MTAP: variants seen among roughly 807,000 people sequenced by gnomAD.
MTAP encodes S-methyl-5'-thioadenosine phosphorylase.
Under a neutral mutation model 33.6 loss-of-function variants are expected in MTAP, and 33 were observed. The observed-to-expected ratio is 0.98, with a 90% confidence interval of 0.74 to 1.31. The LOEUF is 1.31. MTAP is among the 40% of genes most tolerant of loss of function. The pLI is 0.00. For synonymous variants in MTAP, 148 were observed against 125.7 expected (o/e 1.18, Z -1.19); for missense variants, 367 against 360.0 (o/e 1.02, Z -0.16).
At chr9:21,826,617 T>C (rs955405750) in intron 4 of MTAP, among the ~76,000 whole-genome samples, 2 of 55,122 alleles carry the variant, frequency 3.6e-5, no homozygotes, top group Admixed American at 3.9e-4. Context: ...TGTTTATTAT[T>C]ATTATTATTA....
chr9:21,810,768 C>T lies in MTAP; in HGVS notation c.34-4665C>T, dbSNP rs1310171909. ...GAGGTACTGAGAGTTGGAACTTCAA[C>T]CTATGAACTTAGGGGAGATACAATT... is the stretch of plus-strand genomic sequence containing the variant. On this transcript the variant is annotated intron_variant, in intron 1 of 7. Transcript: ENST00000644715. Among the ~76,000 whole-genome samples the T allele has an allele frequency of 1.2e-4, 18 of 152,158 alleles. 1 individual carries two copies. Among genetic ancestry groups the T allele is most frequent in the Admixed American group, 1.2e-3 (18 of 15,278 alleles).
At chr9:21,818,014 A>C (rs778700497) in intron 3 of MTAP, 21 bp from the exon 4 acceptor site, 1 of 1,598,750 alleles carries the variant, frequency 6.3e-7, no homozygotes, top group Non-Finnish European at 8.5e-7. Flanking sequence ...CGGGTTAACA[A>C]TTTCTTCTCT....
intron 1 of MTAP, among the ~76,000 whole-genome samples, chr9:21,920,143 A>C (rs1463047960): frequency 1.3e-5 from 2 of 152,172 alleles, no homozygotes; most frequent in Admixed American, 6.5e-5. Flanking sequence ...TCAAGAGCGA[A>C]AATCATAGAG....
At chr9:21,931,326 G>T, downstream of MTAP, 1 of 571,868 alleles carries the variant, frequency 1.7e-6, no homozygotes, top group Non-Finnish European at 3.1e-6. Flanking sequence ...GAAAATGTTA[G>T]AGTAGGTAAT....
Position 21,922,597 on chromosome 9 carries a change from T to G in MTAP, c.148-8411T>G, listed in dbSNP as rs1818805104. ...CAGATTCACTGCTGCTAACATACTTTGATGCCACATGGCTTGGATACGTTC... is the reference window on the plus strand; with the variant it reads ...CAGATTCACTGCTGCTAACATACTTGGATGCCACATGGCTTGGATACGTTC... On this transcript the variant is annotated intron_variant, in intron 1 of 1. Coordinates refer to the MTAP transcript ENST00000577563. The surrounding 1 kb of genome is among the most constrained non-coding windows in gnomAD (Gnocchi z 4.8). Among the ~76,000 whole-genome samples, 1 of 152,214 alleles carries G rather than the reference T, an allele frequency of 6.6e-6. No individual in the cohort carries two copies. The highest frequency in any genetic ancestry group is 1.5e-5 in the Non-Finnish European group (1 of 68,030).
At chr9:21,809,117 C>G (rs1268080501) in intron 1 of MTAP, 1 of 152,294 alleles carries the variant, frequency 6.6e-6, no homozygotes, top group Non-Finnish European at 1.5e-5. Context: ...CTTTTCTCTC[C>G]CTCTGCTTCT....
intron 1 of MTAP, chr9:21,812,250 C>T: frequency 4.4e-6 from 1 of 227,776 alleles, no homozygotes; most frequent in Non-Finnish European, 8.9e-6. Flanking sequence ...GGTGACCCCA[C>T]TCATGGCTGC....
rs114222389 is a variant in MTAP at position 21,858,720 on chromosome 9, A to G, written c.691-583A>G. 6.8e-3 allele frequency among the ~76,000 whole-genome samples: 1,031 copies of G among 152,306 alleles called. 8 individuals are homozygous for G. Among genetic ancestry groups the G allele is most frequent in the African/African-American group, 0.024 (977 of 41,554 alleles). Reference sequence around the variant, plus strand: ...TGGTGAGGACACAAATCCAAACCATACCAGAATTCATCAGTGCTTTTCAGA... The same window carrying G: ...TGGTGAGGACACAAATCCAAACCATGCCAGAATTCATCAGTGCTTTTCAGA... On this transcript the variant is annotated intron_variant, in intron 6 of 7. Transcript: ENST00000644715.
intron 1 of MTAP, among the ~76,000 whole-genome samples, chr9:21,808,606 ACACACAC>A (rs1311993315): frequency 1.5e-5 from 2 of 136,774 alleles, no homozygotes; most frequent in Non-Finnish European, 3.1e-5. Context: ...AAAAAAAAAA[ACACACAC>A]ACACACACAC....
In MTAP at chr9:21,830,438, C is replaced by T. The variant is rs147211860; in HGVS notation, c.348-7470C>T. The stretch of plus-strand genomic sequence containing the variant: ...ATTAATCCATTTCTTTTAACTTGTA[C>T]AAGGTCCCCATTGTTAGAGCCACAA... On this transcript the variant is annotated intron_variant, in intron 4 of 7. Transcript: ENST00000644715. 6.5e-3 allele frequency among the ~76,000 whole-genome samples: 989 copies of T among 152,298 alleles called. 10 individuals carry two copies. The highest frequency in any genetic ancestry group is 0.022 in the African/African-American group (907 of 41,554).
At chr9:21,818,299 G>T in intron 4 of MTAP, 97 bp downstream of exon 4, 12 of 599,634 alleles carry the variant, frequency 2.0e-5, no homozygotes, top group East Asian at 9.6e-5. Flanking sequence ...TGGGAGGGCA[G>T]TGCCACAGAC....
At chr9:21,842,968 A>G (rs1227717780) in intron 5 of MTAP, among the ~76,000 whole-genome samples, 18 of 152,334 alleles carry the variant, frequency 1.2e-4, no homozygotes, top group African/African-American at 4.1e-4. Flanking sequence ...AAGATACGCA[A>G]TGGCAGAATG....
chr9:21,854,070 A>G (rs1825577392), intron 5 of MTAP, among the ~76,000 whole-genome samples: 1 of 152,236 alleles, frequency 6.6e-6, no homozygotes, highest in Non-Finnish European at 1.5e-5. Context: ...CAGAAAAACA[A>G]TCAGCACAAC....
intron 1 of MTAP, among the ~76,000 whole-genome samples, chr9:21,881,045 T>C (rs1368631976): frequency 3.3e-5 from 5 of 152,090 alleles, no homozygotes; most frequent in Admixed American, 3.3e-4. Flanking sequence ...AGTGTGGTAC[T>C]GGCATAAAGA....
rs1825811863 is a variant in MTAP, at chr9:21,864,248, C to T, written c.*2234C>T. On this transcript the variant is annotated 3_prime_UTR_variant, in exon 8 of 8. Coordinates refer to ENST00000644715, the MANE Select transcript of MTAP (RefSeq NM_002451.4). ...ACTCTTTTCTTTGTTCTCAATCATT[C>T]ACTCCTTATGCAAAGCCAATATAAT... 1.7e-5 allele frequency: 17 copies of T among 985,256 alleles called. No individual in the cohort carries two copies. In the South Asian group the frequency reaches 8.0e-4, roughly 46 times the overall value. The allele number at this position is 985,256 out of a possible 1,614,324, so 61.0% of individuals were successfully genotyped here. A position where few individuals can be genotyped will look rare whatever the true frequency, so the allele number is the denominator to read the frequency against.
chr9:21,840,467 C>A (rs1825215757), intron 5 of MTAP, among the ~76,000 whole-genome samples: 1 of 152,164 alleles, frequency 6.6e-6, no homozygotes, highest in African/African-American at 2.4e-5. Flanking sequence ...ATACACATCC[C>A]CACTGGGGAA....
At chr9:21,854,232 G>A (rs1398007935) in intron 5 of MTAP, among the ~76,000 whole-genome samples, 1 of 152,218 alleles carries the variant, frequency 6.6e-6, no homozygotes, top group African/African-American at 2.4e-5. Context: ...GAGAAGATAA[G>A]CGACGAGAGG....
chr9:21,927,248 C>T (rs1818884293), intron 1 of MTAP, among the ~76,000 whole-genome samples: 1 of 152,156 alleles, frequency 6.6e-6, no homozygotes, highest in African/African-American at 2.4e-5. Flanking sequence ...AACCTAGACC[C>T]AGTAGTGCAA....
rs576713695 is a variant in MTAP at position 21,895,719 on chromosome 9, G to A, written c.148-35289G>A. On this transcript the variant is annotated intron_variant, in intron 1 of 1. Transcript: ENST00000577563. ...ACAGAGCCTCGCTCACTGCTAGCAC[G>A]GCAGTCTGAGATGGAACTGCAAGGC... Among the ~76,000 whole-genome samples, 6 of 152,328 alleles carry A rather than the reference G, an allele frequency of 3.9e-5. No individual in the cohort carries two copies. The East Asian group carries it at 5.8e-4, about 15-fold the overall frequency.
Sources: gnomAD v4.1 joint callset for allele counts (sites outside exome capture counted in the v4.1 genomes callset) on GRCh38, gnomAD v4.1.1 for gene constraint, Gnocchi (gnomAD v3.1) non-coding constraint, MANE v1.5 for transcripts, NCBI Gene and HGNC (gene_info 2026-07-23, HGNC 2026-07-21) for gene names.